Variants in BMP5 observed in about 807,000 individuals in gnomAD.
BMP5 encodes bone morphogenetic protein 5.
Under a neutral mutation model 46.6 loss-of-function variants are expected in BMP5, and 23 were observed. That is an observed-to-expected ratio of 0.49 (90% confidence interval 0.35 to 0.70). The LOEUF is 0.70. BMP5 is among the 30% of genes least tolerant of loss of function. The probability of loss-of-function intolerance (pLI) is 0.00; values close to 1 mark genes in which losing one functional copy is unlikely to be tolerated. For missense variants in BMP5, 545 were observed against 565.6 expected, an observed-to-expected ratio of 0.96 and a Z score of 0.37; for synonymous variants, 204 against 191.9, an observed-to-expected ratio of 1.06 and a Z score of -0.52.
chr6:55,855,795 A>G (rs995018029), intron 1 of BMP5, among the ~76,000 whole-genome samples: 7 of 152,144 alleles, frequency 4.6e-5, no homozygotes, highest in Middle Eastern at 6.3e-3. Context: ...ATTTTTAAGT[A>G]TTTTTTAAAT....
chr6:55,818,754 AG>A lies in BMP5; in HGVS notation c.683+900del, dbSNP rs145755795. Among the ~76,000 whole-genome samples, 958 of 152,308 alleles carry A rather than the reference AG, an allele frequency of 6.3e-3. 32 individuals carry two copies. In the East Asian group the frequency reaches 0.077, roughly 12 times the overall value. ...TCAAGAACTGCAAATATTGTCAACA[AG>A]GAGAGAACAGCACCTTACAGGAGAC... On this transcript the variant is annotated intron_variant, in intron 2 of 6. Transcript: ENST00000370830.
intron 3 of BMP5, among the ~76,000 whole-genome samples, chr6:55,789,423 G>T (rs189903753): frequency 6.6e-6 from 1 of 151,794 alleles, no homozygotes; most frequent in African/African-American, 2.4e-5. Context: ...ATCAAACAAC[G>T]GAAAATTATA....
At chr6:55,857,927 AG>A in intron 1 of BMP5, among the ~76,000 whole-genome samples, 1 of 152,096 alleles carries the variant, frequency 6.6e-6, no homozygotes, top group Admixed American at 6.6e-5. Context: ...CAGTAGAGAC[AG>A]GGTTTCACCA....
intron 1 of BMP5, among the ~76,000 whole-genome samples, chr6:55,840,889 A>C (rs1776930729): frequency 6.6e-6 from 1 of 152,186 alleles, no homozygotes; most frequent in South Asian, 2.1e-4. Flanking sequence ...CTTTTTAGAA[A>C]AGGGGTCTCC....
chr6:55,763,953 G>A lies in BMP5; in HGVS notation c.1028-3420C>T, dbSNP rs77358222. 2.6e-3 allele frequency among the ~76,000 whole-genome samples: 403 copies of A among 152,128 alleles called. 2 individuals carry two copies. Among genetic ancestry groups the A allele is most frequent in the African/African-American group, 9.2e-3 (380 of 41,522 alleles). ...AAATCATGAAAAACAAAATAAATACGTGGAGGTAAAAGTTGGTAAAACACA... is the reference window on the plus strand; with the variant it reads ...AAATCATGAAAAACAAAATAAATACATGGAGGTAAAAGTTGGTAAAACACA... On this transcript the variant is annotated intron_variant, in intron 4 of 6. Coordinates refer to ENST00000370830, the MANE Select transcript of BMP5 (RefSeq NM_021073.4).
chr6:55,819,454 G>T (rs1175240880), intron 2 of BMP5, among the ~76,000 whole-genome samples: 1 of 152,144 alleles, frequency 6.6e-6, no homozygotes, highest in Non-Finnish European at 1.5e-5. Flanking sequence ...TTGGTGTCAG[G>T]AGTAGGGAGC....
At chr6:55,852,928 G>GAGACCATCCC (rs1389261988) in intron 1 of BMP5, among the ~76,000 whole-genome samples, 9 of 151,868 alleles carry the variant, frequency 5.9e-5, no homozygotes, top group Admixed American at 4.6e-4. Context: ...TCAGGAGATC[G>GAGACCATCCC]AGACCATCCT....
At chr6:55,809,341 A>T (rs1186672517) in intron 2 of BMP5, among the ~76,000 whole-genome samples, 1 of 152,192 alleles carries the variant, frequency 6.6e-6, no homozygotes, top group East Asian at 1.9e-4. Flanking sequence ...TGCAATTACA[A>T]ATGTAAAAGT....
chr6:55,755,703 T>A, intron 6 of BMP5, 21 bp from the exon 7 acceptor site: 1 of 1,607,618 alleles, frequency 6.2e-7, no homozygotes, highest in Non-Finnish European at 8.5e-7. Flanking sequence ...AAAAAGGTTT[T>A]GTTTTATTAA....
intron 1 of BMP5, among the ~76,000 whole-genome samples, chr6:55,851,137 C>CTTTT (rs11340072): frequency 7.1e-6 from 1 of 140,602 alleles, no homozygotes; most frequent in Middle Eastern, 3.6e-3. Flanking sequence ...TTTTGTTTTG[C>CTTTT]TTTTTTTTTT....
intron 1 of BMP5, among the ~76,000 whole-genome samples, chr6:55,847,355 T>A (rs1777122175): frequency 6.6e-6 from 1 of 151,908 alleles, no homozygotes; most frequent in African/African-American, 2.4e-5. Context: ...GAGACAAAAC[T>A]TGTATGCAAT....
intron 2 of BMP5, among the ~76,000 whole-genome samples, chr6:55,795,881 A>G (rs1357159176): frequency 6.6e-6 from 1 of 152,220 alleles, no homozygotes; most frequent in African/African-American, 2.4e-5. Context: ...TATAACAAGC[A>G]TATCATACAA....
At chr6:55,843,886 C>T (rs2023522) in intron 1 of BMP5, among the ~76,000 whole-genome samples, 1 of 151,650 alleles carries the variant, frequency 6.6e-6, no homozygotes, top group Non-Finnish European at 1.5e-5. Flanking sequence ...TAAAATACAC[C>T]TTATGACATT....
Position 55,761,044 on chromosome 6 carries a change from C to A in BMP5, c.1028-511G>T, listed in dbSNP as rs137937915. On this transcript the variant is annotated intron_variant, in intron 4 of 6. Transcript: ENST00000370830. Reference sequence around the variant, plus strand: ...GAGCTTCTAATCATCCCCCAAAATCCTGTCCACCTGTAGACTTCATTCTTG... The same window carrying A: ...GAGCTTCTAATCATCCCCCAAAATCATGTCCACCTGTAGACTTCATTCTTG... Among the ~76,000 whole-genome samples, 434 of 152,094 alleles carry A rather than the reference C, an allele frequency of 2.9e-3. 1 individual carries two copies. Among genetic ancestry groups the A allele is most frequent in the Non-Finnish European group, 4.8e-3 (326 of 67,964 alleles).
chr6:55,804,038 T>C (rs367773937), intron 2 of BMP5, among the ~76,000 whole-genome samples: 25 of 152,200 alleles, frequency 1.6e-4, no homozygotes, highest in African/African-American at 5.1e-4. Flanking sequence ...ATAAATATCT[T>C]ATTCCTTATG....
At chr6:55,774,963 A>T (rs1014635272) in intron 3 of BMP5, among the ~76,000 whole-genome samples, 1 of 151,984 alleles carries the variant, frequency 6.6e-6, no homozygotes, top group East Asian at 1.9e-4. Flanking sequence ...TGACACACCT[A>T]AATGTTTACT....
intron 4 of BMP5, among the ~76,000 whole-genome samples, chr6:55,764,378 T>C (rs113415694): frequency 0.1 from 15,855 of 151,936 alleles, 885 homozygotes; most frequent in Middle Eastern, 0.15. Flanking sequence ...TCGACACCAT[T>C]CTGGCTAACA....
chr6:55,872,152 A>G (rs1476762111), intron 1 of BMP5, among the ~76,000 whole-genome samples: 1 of 151,798 alleles, frequency 6.6e-6, no homozygotes, highest in East Asian at 1.9e-4. Flanking sequence ...TCAACTATAA[A>G]TCTTGAATGT....
chr6:55,783,092 T>C (rs1290568015), intron 3 of BMP5, among the ~76,000 whole-genome samples: 1 of 152,078 alleles, frequency 6.6e-6, no homozygotes, highest in Non-Finnish European at 1.5e-5. Flanking sequence ...TAGCTGCTTC[T>C]TTCGTTAAGT....
Sources: allele counts gnomAD v4.1 joint callset (sites outside exome capture counted in the v4.1 genomes callset), GRCh38; gene constraint gnomAD v4.1.1; transcripts MANE v1.5; gene names NCBI Gene and HGNC (gene_info 2026-07-23, HGNC 2026-07-21).